TRIM69: variants seen among roughly 807,000 people sequenced by gnomAD.
TRIM69 encodes the protein tripartite motif containing 69, also known as E3 ubiquitin-protein ligase TRIM69.
In TRIM69, 29 loss-of-function variants were observed where a neutral mutation model predicts 37.7. That is an observed-to-expected ratio of 0.77 (90% CI 0.57 to 1.05). The LOEUF is 1.05. Ranked by LOEUF, TRIM69 falls within the 50% of genes least tolerant of loss-of-function variation. The pLI is 0.00. For synonymous variants in TRIM69, 209 were observed against 212.4 expected, an observed-to-expected ratio of 0.98 and a Z score of 0.14; for missense variants, 596 against 579.9, an observed-to-expected ratio of 1.03 and a Z score of -0.28.
At chr15:44,764,094 G>T (rs191385530) in intron 6 of TRIM69, among the ~76,000 whole-genome samples, 1 of 152,188 alleles carries the variant, frequency 6.6e-6, no homozygotes, top group South Asian at 2.1e-4. Context: ...GTAGATGTTT[G>T]TAAGTTTCTG....
chr15:44,767,110 T>TAAGAGTCTA, intron 6 of TRIM69, 121 bp from the exon 7 acceptor site: 1 of 448,668 alleles, frequency 2.2e-6, no homozygotes, highest in Non-Finnish European at 4.0e-6. Flanking sequence ...CTTGCCTGTC[T>TAAGAGTCTA]AAGAGTCTAT....
chr15:44,739,524 C>T (rs1270149200), intron 1 of TRIM69, among the ~76,000 whole-genome samples: 3 of 152,236 alleles, frequency 2.0e-5, no homozygotes, highest in African/African-American at 7.2e-5. Context: ...TCACTCCCAC[C>T]CTAATACTGT....
At chr15:44,738,981 A>C (rs2141304502) in intron 1 of TRIM69, among the ~76,000 whole-genome samples, 1 of 152,336 alleles carries the variant, frequency 6.6e-6, no homozygotes, top group East Asian at 1.9e-4. Context: ...TTAACCATAT[A>C]AAACCAGTCA....
chr15:44,755,900 T>C (rs2141139375), intron 2 of TRIM69, among the ~76,000 whole-genome samples: 1 of 152,312 alleles, frequency 6.6e-6, no homozygotes, highest in African/African-American at 2.4e-5. Flanking sequence ...AAGAAACAAA[T>C]GTTCCAAGTG....
intron 1 of TRIM69, among the ~76,000 whole-genome samples, chr15:44,751,930 T>A (rs753181597): frequency 2.1e-4 from 32 of 151,616 alleles, no homozygotes; most frequent in Non-Finnish European, 7.4e-5. Flanking sequence ...TCTTTTTGTA[T>A]TTTTGGTAGA....
intron 2 of TRIM69, among the ~76,000 whole-genome samples, chr15:44,755,651 T>C (rs780497863): frequency 6.6e-5 from 10 of 152,182 alleles, no homozygotes; most frequent in Non-Finnish European, 1.2e-4. Context: ...AGAATATGGA[T>C]AGATAAGATA....
At position 44,751,154 on chromosome 15, in the gene TRIM69, C is replaced by T. The variant is rs148437250; in HGVS notation, c.7-3746C>T. Among the ~76,000 whole-genome samples the T allele has an allele frequency of 3.0e-3, 446 of 148,310 alleles. 4 individuals carry two copies. The highest frequency in any genetic ancestry group is 0.011 in the African/African-American group (426 of 40,290). On this transcript the variant is annotated intron_variant, in intron 1 of 6. Transcript: ENST00000329464. ...CTTTTTAGATGGAGTCTCGCTCTGT[C>T]GCCCAGGCTGGAGTACAATGGCACG...
intron 1 of TRIM69, among the ~76,000 whole-genome samples, chr15:44,739,658 G>T (rs572381560): frequency 6.6e-6 from 1 of 152,302 alleles, no homozygotes; most frequent in East Asian, 1.9e-4. Context: ...AAACTGCAAG[G>T]CGGCAGCGAG....
intron 1 of TRIM69, among the ~76,000 whole-genome samples, chr15:44,741,695 G>A (rs1222636514): frequency 6.6e-6 from 1 of 152,210 alleles, no homozygotes; most frequent in African/African-American, 2.4e-5. Context: ...ACACCTCTAT[G>A]CAAATAAACT....
intron 1 of TRIM69, among the ~76,000 whole-genome samples, chr15:44,749,847 T>C (rs530964074): frequency 6.6e-6 from 1 of 152,372 alleles, no homozygotes; most frequent in Admixed American, 6.5e-5. Flanking sequence ...ATATTCTCAA[T>C]TAACAATGTA....
At chr15:44,749,618 C>G (rs965561803) in intron 1 of TRIM69, among the ~76,000 whole-genome samples, 3 of 152,164 alleles carry the variant, frequency 2.0e-5, no homozygotes, top group Non-Finnish European at 4.4e-5. Context: ...GCACACTTTT[C>G]CATTCATTAG....
chr15:44,751,050 G>A lies in TRIM69; in HGVS notation c.7-3850G>A, dbSNP rs2087516103. Among the ~76,000 whole-genome samples the A allele has an allele frequency of 2.0e-5, 3 of 147,330 alleles. No homozygotes were observed. In the Admixed American group the frequency reaches 2.0e-4, roughly 10 times the overall value. ...GGCCCACTGCAGCCTGGACCTCCCA[G>A]GCTCACGTGATTCTCCCACCTCAGT... On this transcript the variant is annotated intron_variant, in intron 1 of 6. Transcript: ENST00000329464.
rs751203357 is a variant in TRIM69, at chr15:44,767,534, C to G, written c.1265C>G (p.Thr422Ser). The G allele has an allele frequency of 1.2e-6, 2 of 1,614,088 alleles. No individual in the cohort carries two copies. Among genetic ancestry groups the G allele is most frequent in the African/African-American group, 2.7e-5 (2 of 74,932 alleles). ...TGGCTTTTAAGACTAAGGAACCAAACTGATCTAAAGGCTCTGGATTTGCCT... is the reference window on the plus strand; with the variant it reads ...TGGCTTTTAAGACTAAGGAACCAAAGTGATCTAAAGGCTCTGGATTTGCCT... ...GFWLLRLRNQTDLKALDLPSF... is the reference protein window; with the variant it reads ...GFWLLRLRNQSDLKALDLPSF... Residue 422 changes from threonine (T) to serine (S), a missense_variant, in exon 7 of 7, where the codon ACT becomes AGT. Transcript: ENST00000329464.
At chr15:44,765,202 G>A (rs11634063) in intron 6 of TRIM69, among the ~76,000 whole-genome samples, 140,633 of 152,288 alleles carry the variant, frequency 0.92, 65,114 homozygotes, top group Non-Finnish European at 0.96. Flanking sequence ...TTATATGAAC[G>A]TGGCATGAGA....
Position 44,736,616 on chromosome 15 carries a change from A to C in TRIM69, c.-89A>C, listed in dbSNP as rs1325237476. 14 of 1,517,036 alleles carry C rather than the reference A, an allele frequency of 9.2e-6. No homozygotes were observed. The Admixed American group carries it at 2.7e-4, about 30-fold the overall frequency. The allele number at this position is 1,517,036 out of a possible 1,614,324, so 94.0% of individuals were successfully genotyped here. ...CTGAGCCCATTCCTTGAAAACTAAA[A>C]GGTCCCTGACTCCCAGTCTGCAGCC... On this transcript the variant is annotated 5_prime_UTR_variant, in exon 1 of 7. Transcript: ENST00000329464.
intron 1 of TRIM69, among the ~76,000 whole-genome samples, chr15:44,751,341 C>T (rs139825572): frequency 0.032 from 4,848 of 152,194 alleles, 111 homozygotes; most frequent in Non-Finnish European, 0.049. Context: ...GTCTTGAACT[C>T]CTGACCTCAG....
chr15:44,749,028 G>A (rs928575073), intron 1 of TRIM69, among the ~76,000 whole-genome samples: 1 of 151,570 alleles, frequency 6.6e-6, no homozygotes, highest in Non-Finnish European at 1.5e-5. Context: ...TTACAGGCAC[G>A]TGACACCACA....
At chr15:44,750,130 A>T (rs1218048224) in intron 1 of TRIM69, among the ~76,000 whole-genome samples, 1 of 152,166 alleles carries the variant, frequency 6.6e-6, no homozygotes, top group African/African-American at 2.4e-5. Flanking sequence ...AATAGACCTT[A>T]TCTGGTATAG....
intron 3 of TRIM69, chr15:44,757,332 G>T (rs2087672399): frequency 2.6e-5 from 4 of 152,128 alleles, no homozygotes; most frequent in Admixed American, 1.3e-4. Context: ...TACTATAACT[G>T]AAAGTATAGG....
Sources: gnomAD v4.1 joint callset for allele counts (sites outside exome capture counted in the v4.1 genomes callset) on GRCh38, gnomAD v4.1.1 for gene constraint, MANE v1.5 for transcripts, NCBI Gene and HGNC (gene_info 2026-07-23, HGNC 2026-07-21) for gene names.